SPNS3: variants seen among roughly 807,000 people sequenced by gnomAD.
SPNS3 encodes protein spinster homolog 3.
Under a neutral mutation model 54.4 loss-of-function variants are expected in SPNS3, and 51 were observed. The ratio of observed to expected loss-of-function variants is 0.94; its 90% CI spans 0.75 to 1.18. The LOEUF is 1.18. Ranked by LOEUF, SPNS3 falls within the 50% of genes most tolerant of loss-of-function variation. The pLI is 0.00. For missense variants in SPNS3, 669 were observed against 677.4 expected (o/e 0.99, Z 0.14); for synonymous variants, 309 against 294.7 (o/e 1.05, Z -0.50).
In SPNS3 at chr17:4,483,154, C is replaced by T. The variant is rs113462751; in HGVS notation, c.1180-3074C>T. ...TCACCCTCTCAGGGGCGTCTGGGGG[C>T]GAGGCCTGGGTGGGGGTGCAGGAGG... On this transcript the variant is annotated intron_variant, in intron 9 of 11. Transcript: ENST00000355530. The surrounding 1 kb of genome is among the most constrained non-coding windows in gnomAD (Gnocchi z 4.2). Among the ~76,000 whole-genome samples, 1,821 of 152,300 alleles carry T rather than the reference C, an allele frequency of 0.012. 28 individuals are homozygous for T. The highest frequency in any genetic ancestry group is 0.041 in the African/African-American group (1,722 of 41,560).
intron 8 of SPNS3, among the ~76,000 whole-genome samples, chr17:4,453,621 G>GC (rs111667154): frequency 0.43 from 64,521 of 151,524 alleles, 14,278 homozygotes; most frequent in African/African-American, 0.51. Flanking sequence ...CCATCTTGGG[G>GC]GAAAAAAACA....
At chr17:4,457,610 G>A (rs958200916) in intron 8 of SPNS3, among the ~76,000 whole-genome samples, 5 of 152,222 alleles carry the variant, frequency 3.3e-5, no homozygotes, top group Non-Finnish European at 5.9e-5. Context: ...GGCCCAGGCA[G>A]ATGGAGGCCC....
chr17:4,434,503 AT>A (rs568979394), intron 1 of SPNS3, among the ~76,000 whole-genome samples: 44 of 149,238 alleles, frequency 2.9e-4, no homozygotes, highest in Non-Finnish European at 1.8e-4. Flanking sequence ...CTATTTATTT[AT>A]TTTTTTTTTT....
chr17:4,459,504 G>A (rs938567745), intron 8 of SPNS3, among the ~76,000 whole-genome samples: 2 of 152,034 alleles, frequency 1.3e-5, no homozygotes, highest in Admixed American at 6.6e-5. Flanking sequence ...CTGAGGTCAG[G>A]AGTTCAAGAC....
At position 4,477,719 on chromosome 17, in the gene SPNS3, C is replaced by T. The variant is rs1972040695; in HGVS notation, c.1114-853C>T. Among the ~76,000 whole-genome samples, 2 of 152,160 alleles carry T rather than the reference C, an allele frequency of 1.3e-5. 1 individual carries two copies. Among genetic ancestry groups the T allele is most frequent in the Admixed American group, 1.3e-4 (2 of 15,272 alleles). ...GGTGACCCCAGACAAGCCCCGTCCT[C>T]GACCAGGCTCGGTTTGACTGTCCGC... On this transcript the variant is annotated intron_variant, in intron 8 of 11. Coordinates refer to ENST00000355530, the MANE Select transcript of SPNS3 (RefSeq NM_182538.5).
chr17:4,459,825 C>T (rs1971448236), intron 8 of SPNS3, among the ~76,000 whole-genome samples: 1 of 151,748 alleles, frequency 6.6e-6, no homozygotes, highest in Admixed American at 6.6e-5. Context: ...AGATAACAAA[C>T]AAGATATATA....
chr17:4,449,145 T>C, intron 6 of SPNS3, 90 bp from the exon 7 acceptor site: 1 of 1,464,708 alleles, frequency 6.8e-7, no homozygotes, highest in African/African-American at 1.4e-5. Context: ...GATGGGAAAG[T>C]TCCTAGACTG....
chr17:4,470,257 C>T (rs878864108), intron 8 of SPNS3, among the ~76,000 whole-genome samples: 5 of 151,806 alleles, frequency 3.3e-5, no homozygotes, highest in Admixed American at 1.3e-4. Context: ...GGTGAAACCC[C>T]GTCTCTACTA....
intron 1 of SPNS3, among the ~76,000 whole-genome samples, chr17:4,434,545 G>T (rs573720274): frequency 6.6e-6 from 1 of 151,978 alleles, no homozygotes; most frequent in Non-Finnish European, 1.5e-5. Flanking sequence ...CGCCCAGGCT[G>T]GAGTGTAGTG....
intron 1 of SPNS3, among the ~76,000 whole-genome samples, chr17:4,435,189 A>G (rs1335169324): frequency 2.0e-5 from 3 of 152,138 alleles, no homozygotes; most frequent in Non-Finnish European, 4.4e-5. Context: ...GTGGGAGGCC[A>G]AGGTGGGCGG....
chr17:4,472,324 T>C (rs1971876262), intron 8 of SPNS3, among the ~76,000 whole-genome samples: 2 of 152,350 alleles, frequency 1.3e-5, no homozygotes, highest in South Asian at 4.1e-4. Context: ...TCTTTGTCTT[T>C]GACTCTCCCT....
rs546859229 is a variant in SPNS3, at chr17:4,482,563, G to A, written c.1180-3665G>A. 1.2e-4 allele frequency: 18 copies of A among 152,038 alleles called. No individual in the cohort carries two copies. In the East Asian group the frequency reaches 1.9e-3, roughly 16 times the overall value. The allele number at this position is 152,038 out of a possible 1,614,324, so 9.4% of individuals were successfully genotyped here. On this transcript the variant is annotated intron_variant, in intron 9 of 11. Transcript: ENST00000355530. ...ATGGGGAGCTCGTTCTGCATACCTCGGGCAGCCCCTGCCTCTCGGGGGGTT... is the reference window on the plus strand; with the variant it reads ...ATGGGGAGCTCGTTCTGCATACCTCAGGCAGCCCCTGCCTCTCGGGGGGTT...
chr17:4,451,866 A>G (rs1971176263), intron 7 of SPNS3, among the ~76,000 whole-genome samples: 1 of 145,806 alleles, frequency 6.9e-6, no homozygotes, highest in Non-Finnish European at 1.5e-5. Flanking sequence ...TTTAGTAGAG[A>G]CGGGGTTTTG....
At chr17:4,467,923 G>A (rs1971727968) in intron 8 of SPNS3, among the ~76,000 whole-genome samples, 1 of 152,172 alleles carries the variant, frequency 6.6e-6, no homozygotes. Context: ...CACTCGCCTC[G>A]GCCTCCCAGA....
chr17:4,460,298 A>G (rs975186140), intron 8 of SPNS3, among the ~76,000 whole-genome samples: 4 of 152,082 alleles, frequency 2.6e-5, no homozygotes, highest in East Asian at 3.8e-4. Flanking sequence ...TGAAATTATC[A>G]TGTAGTTTTG....
intron 9 of SPNS3, among the ~76,000 whole-genome samples, chr17:4,484,612 T>G (rs1349299837): frequency 6.6e-6 from 1 of 152,176 alleles, no homozygotes; most frequent in Non-Finnish European, 1.5e-5. Context: ...TGAGCCACTG[T>G]GCCCAGCTAA....
intron 1 of SPNS3, among the ~76,000 whole-genome samples, chr17:4,437,560 G>A (rs1181030994): frequency 6.6e-6 from 1 of 151,906 alleles, no homozygotes; most frequent in Non-Finnish European, 1.5e-5. Flanking sequence ...CCAGCTACTT[G>A]GGAGGCCGAG....
chr17:4,447,682 G>A (rs1306249773), intron 5 of SPNS3, among the ~76,000 whole-genome samples: 2 of 152,188 alleles, frequency 1.3e-5, no homozygotes, highest in Non-Finnish European at 2.9e-5. Flanking sequence ...GCTGTTTGAA[G>A]GCTGCCCCAA....
intron 1 of SPNS3, among the ~76,000 whole-genome samples, chr17:4,435,321 G>C (rs1970685168): frequency 6.6e-6 from 1 of 151,488 alleles, no homozygotes; most frequent in Non-Finnish European, 1.5e-5. Flanking sequence ...TACTGGGGAG[G>C]CTGAGGCAGA....
Sources: allele counts gnomAD v4.1 joint callset (sites outside exome capture counted in the v4.1 genomes callset), GRCh38; gene constraint gnomAD v4.1.1; non-coding constraint Gnocchi (gnomAD v3.1); transcripts MANE v1.5; gene names NCBI Gene and HGNC (gene_info 2026-07-23, HGNC 2026-07-21).